The following GMDS variants were observed in gnomAD, a reference collection of about 807,000 sequenced individuals.
GMDS encodes the protein GDP-mannose 4,6-dehydratase, also known as GDP-mannose 4,6 dehydratase.
In GMDS, 20 loss-of-function variants were observed where a neutral mutation model predicts 49.9. That is an observed-to-expected ratio of 0.40 (90% CI 0.28 to 0.58). The LOEUF is 0.58. GMDS is among the 20% of genes least tolerant of loss of function. The probability of loss-of-function intolerance (pLI) is 0.42; values close to 1 mark genes in which losing one functional copy is unlikely to be tolerated. For missense variants in GMDS, 362 were observed against 481.4 expected (o/e 0.75, Z 2.32); for synonymous variants, 177 against 178.6 (o/e 0.99, Z 0.07).
chr6:1,951,585 T>C (rs1269097679), intron 6 of GMDS, among the ~76,000 whole-genome samples: 1 of 152,192 alleles, frequency 6.6e-6, no homozygotes, highest in Non-Finnish European at 1.5e-5. Context: ...GTGGTAGGGA[T>C]GAGGTTTCAC....
chr6:2,174,592 G>A (rs1778181191), intron 1 of GMDS, among the ~76,000 whole-genome samples: 1 of 151,984 alleles, frequency 6.6e-6, no homozygotes, highest in African/African-American at 2.4e-5. Context: ...AATTGAGACG[G>A]AGTCTTGCTC....
chr6:1,718,293 T>G (rs1240646809), intron 9 of GMDS, among the ~76,000 whole-genome samples: 1 of 152,100 alleles, frequency 6.6e-6, no homozygotes, highest in Admixed American at 6.5e-5. Context: ...AGCACAGATA[T>G]CCCGAAGGCA....
At chr6:2,195,820 C>CAA (rs34797269) in intron 1 of GMDS, among the ~76,000 whole-genome samples, 1 of 108,336 alleles carries the variant, frequency 9.2e-6, no homozygotes, top group Non-Finnish European at 2.0e-5. Flanking sequence ...TTGTCTCTAC[C>CAA]AAAAAAAAAA....
intron 7 of GMDS, among the ~76,000 whole-genome samples, chr6:1,828,308 A>G (rs1359079962): frequency 1.3e-5 from 2 of 152,210 alleles, no homozygotes; most frequent in Non-Finnish European, 2.9e-5. Context: ...AAGGGACACC[A>G]TCAAGCAGAC....
At chr6:2,212,827 C>T (rs12204952) in intron 1 of GMDS, among the ~76,000 whole-genome samples, 2,369 of 151,798 alleles carry the variant, frequency 0.016, 27 homozygotes, top group South Asian at 0.027. Context: ...ACCATAAGAG[C>T]GTGTGTCATC....
chr6:1,663,030 C>T (rs145035796), intron 9 of GMDS, among the ~76,000 whole-genome samples: 20 of 152,278 alleles, frequency 1.3e-4, no homozygotes, highest in Non-Finnish European at 2.4e-4. Context: ...AGGGGTTTGA[C>T]CTTTCTGTTT....
At chr6:1,726,798 C>A (rs1340840557) in intron 8 of GMDS, among the ~76,000 whole-genome samples, 1 of 152,090 alleles carries the variant, frequency 6.6e-6, no homozygotes, top group Non-Finnish European at 1.5e-5. Flanking sequence ...TAAAATTGGG[C>A]AACTTTCAGG....
intron 9 of GMDS, among the ~76,000 whole-genome samples, chr6:1,673,230 G>C (rs1764483120): frequency 6.6e-6 from 1 of 152,124 alleles, no homozygotes; most frequent in South Asian, 2.1e-4. Context: ...CAACACTGTG[G>C]CTGCTTGGTT....
At chr6:2,084,199 C>T (rs949285068) in intron 4 of GMDS, among the ~76,000 whole-genome samples, 22 of 152,168 alleles carry the variant, frequency 1.4e-4, no homozygotes, top group Admixed American at 4.6e-4. Flanking sequence ...AGATACTCTT[C>T]ATATCAATTT....
chr6:1,724,651 T>C (rs1365875963), intron 9 of GMDS, among the ~76,000 whole-genome samples: 1 of 152,242 alleles, frequency 6.6e-6, no homozygotes, highest in Non-Finnish European at 1.5e-5. Context: ...TGCATAAATA[T>C]GTGATCTGTG....
chr6:2,110,711 T>C (rs1774500191), intron 4 of GMDS, among the ~76,000 whole-genome samples: 1 of 152,302 alleles, frequency 6.6e-6, no homozygotes, highest in East Asian at 1.9e-4. Flanking sequence ...CAGGCACTCA[T>C]GCCTCCTAGC....
Position 2,190,869 on chromosome 6 carries a change from C to T in GMDS, c.102+54452G>A, listed in dbSNP as rs571486926. On this transcript the variant is annotated intron_variant, in intron 1 of 10. Transcript: ENST00000380815. The stretch of plus-strand genomic sequence containing the variant: ...TGGCAAAGGTGGGTCCCCTGTGCCC[C>T]GTGTCCCCAAGGCAGCAAACTGTGC... Among the ~76,000 whole-genome samples the T allele has an allele frequency of 2.8e-3, 428 of 152,222 alleles. 4 individuals carry two copies. The highest frequency in any genetic ancestry group is 9.7e-3 in the African/African-American group (401 of 41,544).
intron 1 of GMDS, among the ~76,000 whole-genome samples, chr6:2,200,607 G>A (rs1298045619): frequency 2.1e-5 from 3 of 140,704 alleles, no homozygotes; most frequent in African/African-American, 5.3e-5. Flanking sequence ...GGCAGTGAGG[G>A]CAGCATGTTA....
At chr6:1,911,189 G>A (rs1761035781) in intron 7 of GMDS, among the ~76,000 whole-genome samples, 1 of 152,140 alleles carries the variant, frequency 6.6e-6, no homozygotes, top group South Asian at 2.1e-4. Context: ...ATACTGATCC[G>A]CGTAACCAGA....
At chr6:1,846,545 C>CT (rs1480838737) in intron 7 of GMDS, among the ~76,000 whole-genome samples, 1 of 152,188 alleles carries the variant, frequency 6.6e-6, no homozygotes, top group Non-Finnish European at 1.5e-5. Flanking sequence ...TGGGAAAACT[C>CT]TAAGAGGCTG....
At chr6:1,785,172 G>A (rs1769266744) in intron 7 of GMDS, among the ~76,000 whole-genome samples, 1 of 152,168 alleles carries the variant, frequency 6.6e-6, no homozygotes, top group South Asian at 2.1e-4. Context: ...ACAGGGTTAT[G>A]TATATAATTC....
chr6:2,050,544 C>T (rs1173369999), intron 4 of GMDS, among the ~76,000 whole-genome samples: 4 of 152,174 alleles, frequency 2.6e-5, no homozygotes, highest in South Asian at 4.1e-4. Flanking sequence ...CAGCATCATC[C>T]TAATACCAAA....
intron 4 of GMDS, among the ~76,000 whole-genome samples, chr6:1,961,505 A>C (rs1469403654): frequency 1.3e-5 from 2 of 152,218 alleles, no homozygotes; most frequent in Admixed American, 1.3e-4. Flanking sequence ...TTAATTTGAG[A>C]CACAGAGCAT....
At chr6:2,162,066 C>A (rs996163033) in intron 1 of GMDS, among the ~76,000 whole-genome samples, 1 of 152,172 alleles carries the variant, frequency 6.6e-6, no homozygotes, top group Non-Finnish European at 1.5e-5. Context: ...CTTAATGACA[C>A]AGGAAATTGT....
Sources: allele counts gnomAD v4.1 joint callset (sites outside exome capture counted in the v4.1 genomes callset), GRCh38; gene constraint gnomAD v4.1.1; transcripts MANE v1.5; gene names NCBI Gene and HGNC (gene_info 2026-07-23, HGNC 2026-07-21).